NFIB: variants seen among roughly 807,000 people sequenced by gnomAD.
NFIB encodes nuclear factor 1 B-type.
In NFIB, 11 loss-of-function variants were observed where a neutral mutation model predicts 61.5. The observed-to-expected ratio is 0.18, with a 90% CI of 0.11 to 0.30. The LOEUF (loss-of-function observed/expected upper bound fraction) is 0.30, where lower values mean the gene tolerates loss of function less well. NFIB is among the 10% of genes least tolerant of loss of function. NFIB has a pLI of 1.00. For missense variants in NFIB, 471 were observed against 608.9 expected (o/e 0.77, Z 2.38); for synonymous variants, 260 against 216.5 (o/e 1.20, Z -1.76).
chr9:14,519,604 A>G, the NFIB span, among the ~76,000 whole-genome samples: 1 of 152,142 alleles, frequency 6.6e-6, no homozygotes, highest in African/African-American at 2.4e-5. Context: ...TTATACTGTC[A>G]GGCATTTTAC....
At chr9:14,197,186 T>C (rs2048562634) in intron 2 of NFIB, among the ~76,000 whole-genome samples, 1 of 152,240 alleles carries the variant, frequency 6.6e-6, no homozygotes, top group South Asian at 2.1e-4. Context: ...GCTTGACAAC[T>C]TGCAGAGTAA....
the NFIB span, among the ~76,000 whole-genome samples, chr9:14,472,941 T>C: frequency 6.6e-6 from 1 of 152,240 alleles, no homozygotes; most frequent in Non-Finnish European, 1.5e-5. Context: ...TGAGAAGCAC[T>C]GCTCTAGAAT....
In NFIB at chr9:14,313,446, A is replaced by C; in HGVS notation, c.30+36T>G. On this transcript the variant is annotated intron_variant, in intron 1 of 10. Coordinates refer to ENST00000380953, the MANE Select transcript of NFIB (RefSeq NM_001190737.2). The surrounding 1 kb of genome is among the most constrained non-coding windows in gnomAD (Gnocchi z 4.5). ...AAACAAAACAAAGGCATTTCGGGCC[A>C]GAGAGAAAGCTCGAGAAAGCGACCG... 1 of 1,613,676 alleles carries C rather than the reference A, an allele frequency of 6.2e-7. No individual in the cohort carries two copies. The highest frequency in any genetic ancestry group is 8.5e-7 in the Non-Finnish European group (1 of 1,179,754).
intron 2 of NFIB, among the ~76,000 whole-genome samples, chr9:14,191,458 C>T (rs932004615): frequency 1.3e-5 from 2 of 152,100 alleles, no homozygotes; most frequent in Non-Finnish European, 2.9e-5. Context: ...TAAATGATGA[C>T]GGGCATGTTC....
At chr9:14,275,128 A>C (rs1432843230) in intron 2 of NFIB, among the ~76,000 whole-genome samples, 4 of 152,202 alleles carry the variant, frequency 2.6e-5, no homozygotes, top group African/African-American at 4.8e-5. Context: ...AACGGGCTTC[A>C]GTTGGCAATG....
At chr9:14,476,913 C>A in the NFIB span, among the ~76,000 whole-genome samples, 4 of 152,176 alleles carry the variant, frequency 2.6e-5, no homozygotes, top group African/African-American at 9.7e-5. Context: ...TAGCATGTTT[C>A]ATGGATTATA....
intron 10 of NFIB, 43 bp downstream of exon 10, chr9:14,112,956 G>C (rs1197248334): frequency 3.3e-6 from 5 of 1,537,584 alleles, no homozygotes; most frequent in East Asian, 2.5e-5. Context: ...GCACGGAAGC[G>C]AAAGCGTGGC....
chr9:14,447,235 C>T, the NFIB span, among the ~76,000 whole-genome samples: 90,394 of 151,982 alleles, frequency 0.59, 26,980 homozygotes, highest in Admixed American at 0.64. Context: ...GAAACTTCCA[C>T]GACCTGAAGT....
chr9:14,083,722 A>G lies in NFIB; in HGVS notation c.*4587T>C. On this transcript the variant is annotated 3_prime_UTR_variant, in exon 11 of 11. Transcript: ENST00000380953. ...ATTTCACACAGTACATAGAATTTGAATCTAGGTAAAGAACATGTCCTGCTG... is the reference window on the plus strand; with the variant it reads ...ATTTCACACAGTACATAGAATTTGAGTCTAGGTAAAGAACATGTCCTGCTG... 4.5e-6 allele frequency: 1 copy of G among 224,698 alleles called. No individual in the cohort carries two copies. The highest frequency in any genetic ancestry group is 8.9e-6 in the Non-Finnish European group (1 of 112,348). 13.9% of individuals were successfully genotyped at this position (224,698 alleles called of 1,614,324 possible). A position where few individuals can be genotyped will look rare whatever the true frequency, so the allele number is the denominator to read the frequency against.
At chr9:14,179,429 C>A (rs376993769) in intron 3 of NFIB, among the ~76,000 whole-genome samples, 1 of 152,056 alleles carries the variant, frequency 6.6e-6, no homozygotes, top group Non-Finnish European at 1.5e-5. Flanking sequence ...GGTTCATTGG[C>A]TTTTCAAACA....
the NFIB span, among the ~76,000 whole-genome samples, chr9:14,445,038 A>C: frequency 6.6e-6 from 1 of 152,094 alleles, no homozygotes; most frequent in Non-Finnish European, 1.5e-5. Context: ...TACTCATGAT[A>C]TGTTTGTGAG....
In NFIB at chr9:14,128,229, C is replaced by A. The variant is rs114098079; in HGVS notation, c.926-2463G>T. Among the ~76,000 whole-genome samples, 882 of 152,136 alleles carry A rather than the reference C, an allele frequency of 5.8e-3. 8 individuals are homozygous for A. The highest frequency in any genetic ancestry group is 0.02 in the African/African-American group (833 of 41,518). On this transcript the variant is annotated intron_variant, in intron 6 of 10. Coordinates refer to ENST00000380953, the MANE Select transcript of NFIB (RefSeq NM_001190737.2). ...TTGTTATAGATGATGCAATCACTTG[C>A]CATTCCAAATTTTTAATTTAAAATT...
chr9:14,251,951 C>T (rs561158589), intron 2 of NFIB, among the ~76,000 whole-genome samples: 6 of 152,152 alleles, frequency 3.9e-5, no homozygotes, highest in Non-Finnish European at 5.9e-5. Flanking sequence ...ATTTAGTCAC[C>T]GTTATCCACC....
chr9:14,142,071 A>G (rs1471350950), intron 6 of NFIB, among the ~76,000 whole-genome samples: 1 of 152,184 alleles, frequency 6.6e-6, no homozygotes, highest in Non-Finnish European at 1.5e-5. Context: ...AAGTGACCTT[A>G]TAAAGAATTG....
the NFIB span, among the ~76,000 whole-genome samples, chr9:14,526,262 C>T: frequency 2.0e-5 from 3 of 152,076 alleles, no homozygotes; most frequent in East Asian, 3.9e-4. Flanking sequence ...AATGTTAGAA[C>T]ATTGAGAAAT....
chr9:14,301,539 A>C (rs950161248), intron 2 of NFIB, among the ~76,000 whole-genome samples: 1 of 152,200 alleles, frequency 6.6e-6, no homozygotes, highest in Non-Finnish European at 1.5e-5. Context: ...TGAAAATCAT[A>C]ATTGATGTAA....
chr9:14,472,927 A>G, the NFIB span, among the ~76,000 whole-genome samples: 1 of 152,242 alleles, frequency 6.6e-6, no homozygotes, highest in African/African-American at 2.4e-5. Context: ...CACCACAGAC[A>G]CTTTGAGAAG....
At chr9:14,437,318 A>G in the NFIB span, among the ~76,000 whole-genome samples, 2 of 152,242 alleles carry the variant, frequency 1.3e-5, no homozygotes, top group Middle Eastern at 3.2e-3. Context: ...TCTGAAGTTC[A>G]TGGAAGCTGT....
intron 2 of NFIB, among the ~76,000 whole-genome samples, chr9:14,257,263 T>C (rs79036647): frequency 0.014 from 2,146 of 152,216 alleles, 47 homozygotes; most frequent in African/African-American, 0.047. Flanking sequence ...TCCTAGAACA[T>C]GGTGCACACA....
Sources: gnomAD v4.1 joint callset for allele counts (sites outside exome capture counted in the v4.1 genomes callset) on GRCh38, gnomAD v4.1.1 for gene constraint, Gnocchi (gnomAD v3.1) non-coding constraint, MANE v1.5 for transcripts, NCBI Gene and HGNC (gene_info 2026-07-23, HGNC 2026-07-21) for gene names.